The following KCNU1 variants were observed in gnomAD, a reference collection of about 807,000 sequenced individuals.
KCNU1 encodes potassium calcium-activated channel subfamily U member 1, also known as potassium channel subfamily U member 1.
A neutral mutation model predicts 126.8 loss-of-function variants in KCNU1; 93 were observed. That is an observed-to-expected ratio of 0.73 (90% CI 0.62 to 0.87). The LOEUF (loss-of-function observed/expected upper bound fraction) is 0.87, where lower values mean the gene tolerates loss of function less well. Among genes scored for constraint, KCNU1 ranks in the 40% least tolerant of loss-of-function variants. The probability of loss-of-function intolerance (pLI) is 0.00; values close to 1 mark genes in which losing one functional copy is unlikely to be tolerated. For synonymous variants in KCNU1, 523 were observed against 494.2 expected (o/e 1.06, Z -0.77); for missense variants, 1,330 against 1,367.1 (o/e 0.97, Z 0.43).
At chr8:36,836,065 A>G (rs546653317) in intron 12 of KCNU1, among the ~76,000 whole-genome samples, 41 of 152,348 alleles carry the variant, frequency 2.7e-4, no homozygotes, top group African/African-American at 9.4e-4. Context: ...CAGTCTTCTA[A>G]CACCAAGAGA....
In KCNU1 at chr8:36,862,429, A is replaced by G. The variant is rs536363485; in HGVS notation, c.1892-1975A>G. On this transcript the variant is annotated intron_variant, in intron 18 of 26. Transcript: ENST00000399881. ...AAACAATTTTCAATTTCCTTTTTGA[A>G]TGCCATTAGAATTATAGAATTTAGA... is the stretch of plus-strand genomic sequence containing the variant. Among the ~76,000 whole-genome samples the G allele has an allele frequency of 2.0e-5, 3 of 152,172 alleles. No individual in the cohort carries two copies. The South Asian group carries it at 6.2e-4, about 32-fold the overall frequency.
intron 2 of KCNU1, among the ~76,000 whole-genome samples, chr8:36,797,256 A>T (rs893795841): frequency 3.3e-5 from 5 of 152,132 alleles, no homozygotes; most frequent in African/African-American, 9.6e-5. Context: ...CATGTAAACC[A>T]CTCAAGGCAG....
intron 2 of KCNU1, among the ~76,000 whole-genome samples, chr8:36,792,434 C>T (rs77990005): frequency 6.6e-6 from 1 of 152,290 alleles, no homozygotes; most frequent in African/African-American, 2.4e-5. Flanking sequence ...TAGATCCTGT[C>T]TTCAAATAGG....
chr8:36,788,854 A>G (rs1437181270), intron 2 of KCNU1, among the ~76,000 whole-genome samples: 1 of 152,188 alleles, frequency 6.6e-6, no homozygotes, highest in Non-Finnish European at 1.5e-5. Context: ...ATAATATATT[A>G]AAGGTCACTA....
intron 16 of KCNU1, among the ~76,000 whole-genome samples, chr8:36,844,792 T>C (rs1340292854): frequency 2.0e-5 from 3 of 152,170 alleles, no homozygotes; most frequent in African/African-American, 4.8e-5. Flanking sequence ...ACTTCCGTTC[T>C]GCAAAAAAGA....
chr8:36,825,224 C>T (rs193180708), intron 10 of KCNU1, among the ~76,000 whole-genome samples: 1 of 152,170 alleles, frequency 6.6e-6, no homozygotes, highest in East Asian at 1.9e-4. Flanking sequence ...TTAACATTTT[C>T]CTCATTACTA....
At chr8:36,853,547 C>T (rs773064695) in intron 18 of KCNU1, among the ~76,000 whole-genome samples, 23 of 152,088 alleles carry the variant, frequency 1.5e-4, no homozygotes, top group Non-Finnish European at 3.1e-4. Flanking sequence ...TTTACTTTCA[C>T]ATATTTGTGA....
intron 18 of KCNU1, among the ~76,000 whole-genome samples, chr8:36,856,332 T>C (rs1245346655): frequency 2.6e-5 from 4 of 152,210 alleles, no homozygotes; most frequent in African/African-American, 9.6e-5. Flanking sequence ...CCTGTTAATT[T>C]TCATGTCTCA....
At chr8:36,925,807 G>A (rs1453708123) in intron 24 of KCNU1, among the ~76,000 whole-genome samples, 3 of 152,072 alleles carry the variant, frequency 2.0e-5, no homozygotes, top group Non-Finnish European at 2.9e-5. Flanking sequence ...TCCTGAATAC[G>A]TTCTCAAACA....
At chr8:36,896,119 A>T (rs549737256) in intron 19 of KCNU1, among the ~76,000 whole-genome samples, 2 of 149,846 alleles carry the variant, frequency 1.3e-5, no homozygotes, top group South Asian at 2.1e-4. Context: ...TTATTTTTTT[A>T]TTAGTAGACC....
intron 19 of KCNU1, among the ~76,000 whole-genome samples, chr8:36,899,135 T>C (rs1399374471): frequency 1.3e-5 from 2 of 152,030 alleles, no homozygotes; most frequent in Non-Finnish European, 2.9e-5. Flanking sequence ...AAGCTGTCAG[T>C]TTTTACTCAT....
Position 36,844,096 on chromosome 8 carries a change from C to T in KCNU1, c.1704-1484C>T, listed in dbSNP as rs529373207. Among the ~76,000 whole-genome samples, 4 of 152,086 alleles carry T rather than the reference C, an allele frequency of 2.6e-5. No homozygotes were observed. In the East Asian group the frequency reaches 5.8e-4, roughly 22 times the overall value. On this transcript the variant is annotated intron_variant, in intron 16 of 26. Transcript: ENST00000399881. Reference sequence around the variant, plus strand: ...TCTCCTTTTAAAAAAATGAAAGGAGCGGCCAGGCGCAGTGGCTCATGCCTG... The same window carrying T: ...TCTCCTTTTAAAAAAATGAAAGGAGTGGCCAGGCGCAGTGGCTCATGCCTG...
intron 19 of KCNU1, among the ~76,000 whole-genome samples, chr8:36,896,029 T>A (rs997369891): frequency 1.3e-5 from 2 of 152,060 alleles, no homozygotes; most frequent in African/African-American, 4.8e-5. Context: ...TTGTTAACAT[T>A]AACATATGAA....
At chr8:36,864,560 T>C (rs1163098221) in intron 19 of KCNU1, 39 bp downstream of exon 19, 13 of 1,197,070 alleles carry the variant, frequency 1.1e-5, no homozygotes, top group Non-Finnish European at 1.5e-5. Flanking sequence ...TATAGTTTTT[T>C]TGAGAATCAG....
chr8:36,880,798 A>G (rs1279321078), intron 19 of KCNU1, among the ~76,000 whole-genome samples: 1 of 152,198 alleles, frequency 6.6e-6, no homozygotes, highest in Non-Finnish European at 1.5e-5. Flanking sequence ...ATTTGGAGGT[A>G]AATGTGTCAT....
intron 1 of KCNU1, among the ~76,000 whole-genome samples, chr8:36,786,349 A>G (rs1296431404): frequency 6.6e-6 from 1 of 152,204 alleles, no homozygotes; most frequent in Non-Finnish European, 1.5e-5. Flanking sequence ...TTTAAAATTA[A>G]TTCTCAGACA....
chr8:36,797,107 A>G (rs950554253), intron 2 of KCNU1, among the ~76,000 whole-genome samples: 3 of 152,098 alleles, frequency 2.0e-5, no homozygotes, highest in African/African-American at 7.2e-5. Flanking sequence ...TTCGGTTCAA[A>G]CACTCGCGCC....
chr8:36,864,536 G>T lies in KCNU1; in HGVS notation c.2009+15G>T, dbSNP rs1386463513. 6.9e-7 allele frequency: 1 copy of T among 1,451,490 alleles called. No homozygotes were observed. The highest frequency in any genetic ancestry group is 1.7e-5 in the Admixed American group (1 of 59,774). The allele number at this position is 1,451,490 out of a possible 1,614,324, so 89.9% of individuals were successfully genotyped here. ...TTCACCACCAGGTAAAAGCTGCAGAGAACCCTGGTCTCCTATAGTTTTTTT... is the reference window on the plus strand; with the variant it reads ...TTCACCACCAGGTAAAAGCTGCAGATAACCCTGGTCTCCTATAGTTTTTTT... On this transcript the variant is annotated intron_variant, in intron 19 of 26. Transcript: ENST00000399881.
At position 36,815,666 on chromosome 8, in the gene KCNU1, A is replaced by G. The variant is rs776791981; in HGVS notation, c.974A>G (p.Tyr325Cys). The G allele has an allele frequency of 7.6e-6, 12 of 1,581,406 alleles. No homozygotes were observed. The highest frequency in any genetic ancestry group is 1.0e-5 in the Non-Finnish European group (12 of 1,158,452). ...FANKRKYTSSYEALKGKKFIV... is the reference protein window; with the variant it reads ...FANKRKYTSSCEALKGKKFIV... ...AACAAGAGGAAATACACCAGTTCCTATGAAGCACTCAAAGGAAAGAAGTAA... is the reference window on the plus strand; with the variant it reads ...AACAAGAGGAAATACACCAGTTCCTGTGAAGCACTCAAAGGAAAGAAGTAA... The change falls in exon 9 of 27, where the codon TAT (tyrosine) becomes TGT (cysteine). Residue 325 changes from tyrosine (Y) to cysteine (C), a missense_variant. Around this residue, in one of 3 missense-constraint regions of KCNU1, gnomAD observed 1,054 missense variants for 1,053.9 expected, o/e 1.00. Coordinates refer to ENST00000399881, the MANE Select transcript of KCNU1 (RefSeq NM_001031836.3).
Sources: gnomAD v4.1 joint callset for allele counts (sites outside exome capture counted in the v4.1 genomes callset) on GRCh38, gnomAD v4.1.1 for gene constraint, gnomAD v4.1.1 regional missense constraint, MANE v1.5 for transcripts, NCBI Gene and HGNC (gene_info 2026-07-23, HGNC 2026-07-21) for gene names.